Variants in CCK observed in about 807,000 individuals in gnomAD.
CCK encodes the protein cholecystokinin triacontatriapeptide.
CCK carries 11 observed loss-of-function variants against 10.1 expected under a neutral mutation model. The observed-to-expected ratio is 1.09, with a 90% CI of 0.69 to 1.81. CCK has a LOEUF of 1.81. Ranked by LOEUF, CCK falls within the 40% of genes most tolerant of loss-of-function variation. The pLI is 0.00. For synonymous variants in CCK, 83 were observed against 71.9 expected (o/e 1.15, Z -0.78); for missense variants, 137 against 159.9 (o/e 0.86, Z 0.77).
chr3:42,263,973 A>C, intron 3 of CCK: 3 of 253,692 alleles, frequency 1.2e-5, no homozygotes, highest in Admixed American at 5.4e-5. Flanking sequence ...GAAAAATAAA[A>C]CCCCACGAGA....
chr3:42,259,326 T>C (rs11571870), intron 4 of CCK, among the ~76,000 whole-genome samples: 3 of 152,210 alleles, frequency 2.0e-5, no homozygotes, highest in Non-Finnish European at 2.9e-5. Context: ...GTTCTGCACA[T>C]GTACCCCAGA....
rs887985938 is a variant in CCK at position 42,263,514 on chromosome 3, C to A, written c.117G>T (p.Ala39=). 1.2e-6 allele frequency: 2 copies of A among 1,613,900 alleles called. No homozygotes were observed. The highest frequency in any genetic ancestry group is 1.7e-6 in the Non-Finnish European group (2 of 1,179,938). The change falls in exon 4 of 5, where the codon GCG becomes GCT. Residue 39 remains alanine, a synonymous_variant. Transcript: ENST00000396169. ...GCGATACCCTCAGCTGCCTACGGGG[C>A]GCCTCCTCTGCCCGCTGCAGCCCGG... The part of the protein sequence containing the change: ...AGSGLQRAEE[A]PRRQLRVSQR...
chr3:42,263,925 G>C (rs1711253104), intron 3 of CCK: 1 of 385,442 alleles, frequency 2.6e-6, no homozygotes, highest in Non-Finnish European at 4.6e-6. Flanking sequence ...AAAGTTTGAG[G>C]AAGTGTTTGC....
rs545491254 is a variant in CCK, at chr3:42,258,050, T to A, written c.*48A>T. The stretch of plus-strand genomic sequence containing the variant: ...GTGATTGTTTTCTTATTCTGCCTCC[T>A]CTGGGTTGGGAGGTTGCTTCCCGTT... On this transcript the variant is annotated 3_prime_UTR_variant, in exon 5 of 5. Coordinates refer to ENST00000396169, the MANE Select transcript of CCK (RefSeq NM_000729.6). 6.2e-5 allele frequency: 98 copies of A among 1,573,440 alleles called. No individual in the cohort carries two copies. The South Asian group carries it at 1.1e-3, about 18-fold the overall frequency.
chr3:42,261,260 C>G (rs1430342030), intron 4 of CCK, among the ~76,000 whole-genome samples: 1 of 152,076 alleles, frequency 6.6e-6, no homozygotes, highest in Admixed American at 6.6e-5. Flanking sequence ...TATAGTGGAG[C>G]AAAAATCTGA....
At chr3:42,264,174 T>C (rs180756252) in intron 3 of CCK, among the ~76,000 whole-genome samples, 15 of 152,248 alleles carry the variant, frequency 9.9e-5, no homozygotes, top group Non-Finnish European at 1.3e-4. Context: ...TTTCTCAAAG[T>C]GTACGTGGGA....
In CCK at chr3:42,258,209, G is replaced by T. The variant is rs781388265; in HGVS notation, c.237C>A (p.Ile79=). The T allele has an allele frequency of 6.2e-7, 1 of 1,614,042 alleles. No individual in the cohort carries two copies. The highest frequency in any genetic ancestry group is 1.1e-5 in the South Asian group (1 of 91,054). ...GGTCCAGGTTCTGCAGGTTCTTAAC[G>T]ATGGACATTCGTCCAGAAGGAGCTA... ...ARKAPSGRMS[I]VKNLQNLDPS... Residue 79 remains isoleucine (I), a synonymous_variant, in exon 5 of 5, where the codon ATC becomes ATA. Coordinates refer to ENST00000396169, the MANE Select transcript of CCK (RefSeq NM_000729.6).
At chr3:42,259,403 T>A (rs963244577) in intron 4 of CCK, among the ~76,000 whole-genome samples, 2 of 152,222 alleles carry the variant, frequency 1.3e-5, no homozygotes, top group Non-Finnish European at 2.9e-5. Flanking sequence ...TTTAAAAATA[T>A]GAATTTGAAA....
intron 4 of CCK, among the ~76,000 whole-genome samples, chr3:42,260,825 A>C (rs542624383): frequency 1.4e-4 from 22 of 152,350 alleles, no homozygotes; most frequent in African/African-American, 5.3e-4. Flanking sequence ...TGAAGGGTTT[A>C]GCTCTTTTAA....
intron 3 of CCK, chr3:42,263,918 G>A (rs1407951317): frequency 1.8e-5 from 7 of 394,912 alleles, no homozygotes; most frequent in Non-Finnish European, 3.1e-5. Flanking sequence ...CTTTCCTAAA[G>A]TTTGAGGAAG....
rs1351790496 is a variant in CCK, at chr3:42,258,023, G to A, written c.*75C>T. The A allele has an allele frequency of 1.5e-5, 21 of 1,432,008 alleles. No individual in the cohort carries two copies. Among genetic ancestry groups the A allele is most frequent in the Non-Finnish European group, 1.6e-5 (17 of 1,047,112 alleles). The allele number at this position is 1,432,008 out of a possible 1,614,324, so 88.7% of individuals were successfully genotyped here. A position where few individuals can be genotyped will look rare whatever the true frequency, so the allele number is the denominator to read the frequency against. On this transcript the variant is annotated 3_prime_UTR_variant, in exon 5 of 5. Transcript: ENST00000396169. ...AAACTCCACAGACAATGAGTTATGA[G>A]TGTGATTGTTTTCTTATTCTGCCTC...
rs753738632 is a variant in CCK, at chr3:42,258,093, G to A, written c.*5C>T. ...TTCCCGTTGGGCTGATGGCGGCTGG[G>A]TCCTCTAGGAGGGGTACTCATACTC... On this transcript the variant is annotated 3_prime_UTR_variant, in exon 5 of 5. Transcript: ENST00000396169. 1.2e-6 allele frequency: 2 copies of A among 1,607,966 alleles called. No individual in the cohort carries two copies. Among genetic ancestry groups the A allele is most frequent in the Non-Finnish European group, 1.7e-6 (2 of 1,177,960 alleles).
At chr3:42,264,662 A>G (rs1378222093) in intron 3 of CCK, 35 bp downstream of exon 3, 1 of 152,188 alleles carries the variant, frequency 6.6e-6, no homozygotes, top group Non-Finnish European at 1.5e-5. Context: ...GACACACGAC[A>G]CTTGGATCCC....
intron 4 of CCK, among the ~76,000 whole-genome samples, chr3:42,260,182 C>T (rs907111977): frequency 4.6e-5 from 7 of 152,226 alleles, no homozygotes; most frequent in Non-Finnish European, 8.8e-5. Context: ...CAATTCAGCA[C>T]ATTTCAGGTC....
chr3:42,261,608 C>CTTTTTTTTTTT (rs3073696), intron 4 of CCK, among the ~76,000 whole-genome samples: 3 of 145,620 alleles, frequency 2.1e-5, no homozygotes, highest in Non-Finnish European at 3.0e-5. Context: ...TGGTAATGAG[C>CTTTTTTTTTTT]TTTTTTTTTT....
chr3:42,259,545 T>C (rs890805687), intron 4 of CCK, among the ~76,000 whole-genome samples: 1 of 152,120 alleles, frequency 6.6e-6, no homozygotes, highest in Non-Finnish European at 1.5e-5. Context: ...TCTTGGCACC[T>C]CAGTAAGACT....
chr3:42,263,729 A>G lies in CCK; in HGVS notation c.-2-97T>C. On this transcript the variant is annotated intron_variant, in intron 3 of 4. Coordinates refer to ENST00000396169, the MANE Select transcript of CCK (RefSeq NM_000729.6). ...ACCCAGAAGCGGGCTTAGGACAAAC[A>G]CAGGTGCTCCAGACCCGCCAGGCCG... 4 of 1,439,522 alleles carry G rather than the reference A, an allele frequency of 2.8e-6. No individual in the cohort carries two copies. The East Asian group carries it at 1.0e-4, about 37-fold the overall frequency. The allele number at this position is 1,439,522 out of a possible 1,614,324, so 89.2% of individuals were successfully genotyped here. A position where few individuals can be genotyped will look rare whatever the true frequency, so the allele number is the denominator to read the frequency against.
intron 4 of CCK, 97 bp from the exon 5 acceptor site, chr3:42,258,328 T>A: frequency 7.5e-7 from 1 of 1,327,252 alleles, no homozygotes; most frequent in Non-Finnish European, 1.0e-6. Context: ...CCAGACGCAA[T>A]ATAACAGACA....
chr3:42,258,950 A>G (rs974078901), intron 4 of CCK, among the ~76,000 whole-genome samples: 4 of 152,186 alleles, frequency 2.6e-5, no homozygotes, highest in African/African-American at 4.8e-5. Flanking sequence ...CTTGGAACCA[A>G]TCTAAATGCC....
Sources: gnomAD v4.1 joint callset for allele counts (sites outside exome capture counted in the v4.1 genomes callset) on GRCh38, gnomAD v4.1.1 for gene constraint, MANE v1.5 for transcripts, NCBI Gene and HGNC (gene_info 2026-07-23, HGNC 2026-07-21) for gene names.